The following LRRC20 variants were observed in gnomAD, a reference collection of about 807,000 sequenced individuals.
LRRC20 encodes leucine-rich repeat-containing protein 20.
A neutral mutation model predicts 14.4 loss-of-function variants in LRRC20; 11 were observed. The observed-to-expected ratio is 0.77, with a 90% CI of 0.48 to 1.27. The LOEUF is 1.27. Ranked by LOEUF, LRRC20 falls within the 50% of genes most tolerant of loss-of-function variation. LRRC20 has a pLI of 0.00. For synonymous variants in LRRC20, 121 were observed against 107.3 expected (o/e 1.13, Z -0.79); for missense variants, 219 against 251.2 (o/e 0.87, Z 0.87).
chr10:70,326,961 C>T (rs1405776186), intron 3 of LRRC20, among the ~76,000 whole-genome samples: 1 of 152,186 alleles, frequency 6.6e-6, no homozygotes, highest in African/African-American at 2.4e-5. Flanking sequence ...GCCCGGCAGA[C>T]ATGTTCAGAA....
chr10:70,346,872 A>C (rs1843091774), intron 2 of LRRC20, among the ~76,000 whole-genome samples: 1 of 152,200 alleles, frequency 6.6e-6, no homozygotes, highest in East Asian at 1.9e-4. Context: ...TAAAATAAAA[A>C]ATTAATGTAT....
At chr10:70,338,070 C>A (rs1298863158) in intron 3 of LRRC20, among the ~76,000 whole-genome samples, 1 of 152,198 alleles carries the variant, frequency 6.6e-6, no homozygotes, top group Non-Finnish European at 1.5e-5. Flanking sequence ...CTGGAAAGTT[C>A]CAGACCTGGA....
At chr10:70,311,600 C>T (rs1193043915) in intron 4 of LRRC20, among the ~76,000 whole-genome samples, 1 of 152,160 alleles carries the variant, frequency 6.6e-6, no homozygotes, top group African/African-American at 2.4e-5. Context: ...CTCTTTGAGC[C>T]TATGACTGTA....
chr10:70,346,150 G>A (rs1843065945), intron 2 of LRRC20, among the ~76,000 whole-genome samples: 1 of 152,176 alleles, frequency 6.6e-6, no homozygotes, highest in Non-Finnish European at 1.5e-5. Context: ...CTACTCAGGA[G>A]GCTGAGGCAG....
Position 70,300,340 on chromosome 10 carries a change from G to T in LRRC20, c.*1014C>A. ...GGAAACCAGGACAGCTGGTCACCCT[G>T]TTGCCTGACCATACCCTAAGATGCC... On this transcript the variant is annotated 3_prime_UTR_variant, in exon 5 of 5. Transcript: ENST00000446961. The T allele has an allele frequency of 1.0e-6, 1 of 981,300 alleles. No homozygotes were observed. Among genetic ancestry groups the T allele is most frequent in the Non-Finnish European group, 1.2e-6 (1 of 826,138 alleles). 60.8% of individuals were successfully genotyped at this position (981,300 alleles called of 1,614,324 possible).
chr10:70,366,979 G>C (rs1844022580), intron 2 of LRRC20, among the ~76,000 whole-genome samples: 1 of 152,068 alleles, frequency 6.6e-6, no homozygotes, highest in African/African-American at 2.4e-5. Flanking sequence ...GATATGGAGG[G>C]ACAACTGTAC....
In LRRC20 at chr10:70,328,479, G is replaced by A. The variant is rs142683914; in HGVS notation, c.233-4449C>T. 9.6e-3 allele frequency among the ~76,000 whole-genome samples: 1,459 copies of A among 152,162 alleles called. 23 individuals are homozygous for A. The highest frequency in any genetic ancestry group is 0.033 in the African/African-American group (1,384 of 41,526). On this transcript the variant is annotated intron_variant, in intron 3 of 4. Transcript: ENST00000446961. ...ACCCAGCTAATTTCTGGATTTTTAC[G>A]AGAGACAGGGTTTTGCCATGTTGGC...
intron 3 of LRRC20, among the ~76,000 whole-genome samples, chr10:70,337,256 AAAG>A (rs1276552379): frequency 6.6e-6 from 1 of 152,162 alleles, no homozygotes; most frequent in African/African-American, 2.4e-5. Context: ...TTCACACATA[AAAG>A]AAGAGGGCTT....
chr10:70,375,316 G>A (rs1177838387), intron 2 of LRRC20, among the ~76,000 whole-genome samples: 1 of 152,180 alleles, frequency 6.6e-6, no homozygotes, highest in Non-Finnish European at 1.5e-5. Flanking sequence ...GCAGGGCAGG[G>A]GGAAGCAAAC....
At chr10:70,368,634 CA>C (rs1844131515) in intron 2 of LRRC20, among the ~76,000 whole-genome samples, 2 of 150,988 alleles carry the variant, frequency 1.3e-5, no homozygotes, top group South Asian at 4.2e-4. Flanking sequence ...TTTTTGGCGG[CA>C]GGGGGGACTG....
chr10:70,301,582 G>C, intron 4 of LRRC20, 74 bp from the exon 5 acceptor site: 1 of 1,543,016 alleles, frequency 6.5e-7, no homozygotes, highest in Non-Finnish European at 8.8e-7. Flanking sequence ...TGGGCCATGA[G>C]GACTCTGAGC....
chr10:70,307,067 C>A (rs554263723), intron 4 of LRRC20, among the ~76,000 whole-genome samples: 2 of 152,314 alleles, frequency 1.3e-5, no homozygotes, highest in South Asian at 4.1e-4. Context: ...ACGTCTTGAG[C>A]CTTCCCTGTT....
At chr10:70,380,980 G>A (rs141631531) in intron 1 of LRRC20, among the ~76,000 whole-genome samples, 2 of 152,226 alleles carry the variant, frequency 1.3e-5, no homozygotes, top group African/African-American at 4.8e-5. Flanking sequence ...GGGGTGAGCA[G>A]CAGGTGCACA....
At chr10:70,343,339 GT>G (rs1452619448) in intron 2 of LRRC20, among the ~76,000 whole-genome samples, 1 of 152,188 alleles carries the variant, frequency 6.6e-6, no homozygotes, top group East Asian at 1.9e-4. Context: ...CACAGATGTG[GT>G]TTTGGGGGGG....
intron 3 of LRRC20, among the ~76,000 whole-genome samples, chr10:70,327,061 C>G (rs115317148): frequency 6.6e-6 from 1 of 152,192 alleles, no homozygotes; most frequent in African/African-American, 2.4e-5. Context: ...GCATCTACCC[C>G]TGGAGACATT....
intron 2 of LRRC20, among the ~76,000 whole-genome samples, chr10:70,343,356 G>A (rs1387666449): frequency 2.0e-5 from 3 of 152,166 alleles, no homozygotes; most frequent in Non-Finnish European, 4.4e-5. Flanking sequence ...GGGGGAAAAG[G>A]GACAGGTGGG....
intron 4 of LRRC20, among the ~76,000 whole-genome samples, chr10:70,310,412 T>C (rs1370306503): frequency 1.3e-5 from 2 of 152,150 alleles, no homozygotes; most frequent in Non-Finnish European, 2.9e-5. Flanking sequence ...TTGCCTTCAA[T>C]ACCATGGGCC....
chr10:70,345,056 A>G (rs1396110774), intron 2 of LRRC20, among the ~76,000 whole-genome samples: 2 of 152,236 alleles, frequency 1.3e-5, no homozygotes, highest in Non-Finnish European at 2.9e-5. Context: ...AAGTTCAACT[A>G]GGGAAATCTA....
intron 2 of LRRC20, among the ~76,000 whole-genome samples, chr10:70,350,842 G>T (rs1224345157): frequency 6.6e-6 from 1 of 152,188 alleles, no homozygotes; most frequent in African/African-American, 2.4e-5. Flanking sequence ...GAATCTCAGG[G>T]TTAGGAGACC....
Sources: gnomAD v4.1 joint callset for allele counts (sites outside exome capture counted in the v4.1 genomes callset) on GRCh38, gnomAD v4.1.1 for gene constraint, MANE v1.5 for transcripts, NCBI Gene and HGNC (gene_info 2026-07-23, HGNC 2026-07-21) for gene names.